Variants in TXNRD1 observed in about 807,000 individuals in gnomAD.
TXNRD1 encodes thioredoxin reductase 1, cytoplasmic.
Under a neutral mutation model 80.3 loss-of-function variants are expected in TXNRD1, and 57 were observed. The observed-to-expected ratio is 0.71, with a 90% CI of 0.57 to 0.89. The LOEUF is 0.89. TXNRD1 is among the 40% of genes least tolerant of loss of function. The pLI is 0.00. For synonymous variants in TXNRD1, 291 were observed against 285.2 expected (o/e 1.02, Z -0.20); for missense variants, 730 against 803.0 (o/e 0.91, Z 1.10).
intron 1 of TXNRD1, among the ~76,000 whole-genome samples, chr12:104,225,183 A>T (rs950675001): frequency 6.6e-6 from 1 of 152,226 alleles, no homozygotes; most frequent in African/African-American, 2.4e-5. Context: ...TTTAATAAAA[A>T]GGAGTAACAT....
intron 4 of TXNRD1, chr12:104,303,776 C>A (rs1209688278): frequency 4.0e-6 from 5 of 1,248,786 alleles, no homozygotes; most frequent in Non-Finnish European, 5.3e-6. Context: ...CCGCCACTTT[C>A]CACACGCTGG....
intron 10 of TXNRD1, among the ~76,000 whole-genome samples, chr12:104,322,319 C>T (rs367817083): frequency 3.4e-5 from 5 of 148,068 alleles, no homozygotes; most frequent in East Asian, 4.0e-4. Context: ...GATTAAGGCA[C>T]AAATTTCCTG....
intron 4 of TXNRD1, among the ~76,000 whole-genome samples, chr12:104,295,214 CTT>C (rs375344307): frequency 1.3e-5 from 2 of 151,972 alleles, no homozygotes; most frequent in African/African-American, 4.8e-5. Flanking sequence ...ACACAAATCT[CTT>C]TTTTTGCTGT....
chr12:104,321,848 C>A (rs1389171257), intron 10 of TXNRD1, among the ~76,000 whole-genome samples: 1 of 152,146 alleles, frequency 6.6e-6, no homozygotes, highest in Non-Finnish European at 1.5e-5. Context: ...CCAAGTCACA[C>A]CTGGGATTTG....
chr12:104,304,708 T>C, intron 4 of TXNRD1: 1 of 1,613,850 alleles, frequency 6.2e-7, no homozygotes, highest in Non-Finnish European at 8.5e-7. Flanking sequence ...CTGTGGAGAA[T>C]ATATTTTATG....
At chr12:104,265,257 A>G (rs2033451405) in intron 3 of TXNRD1, 8 of 1,504,310 alleles carry the variant, frequency 5.3e-6, no homozygotes, top group Non-Finnish European at 7.2e-6. Flanking sequence ...TCTTAAAAAA[A>G]AAAAAAAAAA....
intron 7 of TXNRD1, among the ~76,000 whole-genome samples, chr12:104,318,187 C>A (rs1266321900): frequency 6.6e-6 from 1 of 152,000 alleles, no homozygotes; most frequent in African/African-American, 2.4e-5. Context: ...CTTTAGTGTC[C>A]TGACTTAAAG....
At chr12:104,278,797 A>G (rs1326468837) in intron 3 of TXNRD1, among the ~76,000 whole-genome samples, 1 of 152,164 alleles carries the variant, frequency 6.6e-6, no homozygotes, top group Non-Finnish European at 1.5e-5. Context: ...CACCGCACCC[A>G]GCCTCTGATC....
At chr12:104,269,824 C>T (rs1201683373) in intron 3 of TXNRD1, among the ~76,000 whole-genome samples, 3 of 152,058 alleles carry the variant, frequency 2.0e-5, no homozygotes, top group Non-Finnish European at 4.4e-5. Context: ...CTGCCTTGTC[C>T]TCCCAAAGTG....
At chr12:104,239,174 C>T (rs976176932) in intron 1 of TXNRD1, among the ~76,000 whole-genome samples, 16 of 147,206 alleles carry the variant, frequency 1.1e-4, no homozygotes, top group Non-Finnish European at 2.2e-4. Context: ...TCATCTGAGC[C>T]TGGGCTTTTC....
Position 104,339,221 on chromosome 12 carries a change from T to C in TXNRD1, c.1829T>C (p.Leu610Pro). ...QGFAAALKCG[L>P]TKKQLDSTIG... is the part of the protein sequence containing the mutation. ...TTTGCAGCTGCGCTCAAATGTGGACTGACCAAAAAGCAGCTGGACAGCACA... is the reference window on the plus strand; with the variant it reads ...TTTGCAGCTGCGCTCAAATGTGGACCGACCAAAAAGCAGCTGGACAGCACA... The change falls in exon 16 of 17, where the codon CTG (leucine) becomes CCG (proline). Residue 610 changes from leucine (L) to proline (P), a missense_variant. Physicochemically the swap from Leu to Pro is moderately conservative, Grantham distance 98. Transcript: ENST00000525566. 1 of 1,613,994 alleles carries C rather than the reference T, an allele frequency of 6.2e-7. No homozygotes were observed. The highest frequency in any genetic ancestry group is 8.5e-7 in the Non-Finnish European group (1 of 1,179,880).
At chr12:104,303,683 G>C in intron 4 of TXNRD1, 1 of 541,714 alleles carries the variant, frequency 1.8e-6, no homozygotes. Flanking sequence ...GGGCGGGGCT[G>C]TCTTCCCGCG....
chr12:104,288,834 G>C (rs1188619254), intron 3 of TXNRD1, 97 bp from the exon 4 acceptor site: 2 of 1,609,832 alleles, frequency 1.2e-6, no homozygotes, highest in South Asian at 2.2e-5. Flanking sequence ...CGCGGTGCCT[G>C]CGGGGCCGGG....
intron 1 of TXNRD1, among the ~76,000 whole-genome samples, chr12:104,229,886 C>G (rs777832101): frequency 6.6e-6 from 1 of 151,892 alleles, no homozygotes; most frequent in African/African-American, 2.4e-5. Context: ...CCACTGTGCC[C>G]GGGCAATTTT....
At chr12:104,344,356 ATT>A (rs529954612) in intron 16 of TXNRD1, among the ~76,000 whole-genome samples, 8 of 145,354 alleles carry the variant, frequency 5.5e-5, no homozygotes, top group Non-Finnish European at 4.6e-5. Flanking sequence ...AGCTCCAGTG[ATT>A]TTTTTTTTTT....
intron 1 of TXNRD1, among the ~76,000 whole-genome samples, chr12:104,245,183 A>G (rs1368449252): frequency 6.7e-6 from 1 of 148,950 alleles, no homozygotes; most frequent in Non-Finnish European, 1.5e-5. Flanking sequence ...ATTATTTTAG[A>G]TTTTTTTTTT....
At chr12:104,337,811 G>A (rs1456246315) in intron 15 of TXNRD1, among the ~76,000 whole-genome samples, 8 of 151,760 alleles carry the variant, frequency 5.3e-5, no homozygotes, top group African/African-American at 2.4e-5. Flanking sequence ...TTTAGAGACA[G>A]GGTCTTACTT....
intron 4 of TXNRD1, chr12:104,304,033 C>T (rs773711676): frequency 2.5e-6 from 4 of 1,613,246 alleles, no homozygotes; most frequent in South Asian, 1.1e-5. Context: ...TCACCGCTGA[C>T]GAGGAGAAGT....
At chr12:104,265,332 A>G (rs1593724521) in intron 3 of TXNRD1, 1 of 1,609,396 alleles carries the variant, frequency 6.2e-7, no homozygotes, top group African/African-American at 1.3e-5. Context: ...GCACGCTACG[A>G]GAGTACAAGG....
Sources: allele counts gnomAD v4.1 joint callset (sites outside exome capture counted in the v4.1 genomes callset), GRCh38; gene constraint gnomAD v4.1.1; transcripts MANE v1.5; gene names NCBI Gene and HGNC (gene_info 2026-07-23, HGNC 2026-07-21).